Variants in ANKRD62 observed in about 807,000 individuals in gnomAD.
The protein encoded by ANKRD62 is ankyrin repeat domain-containing protein 62.
Under a neutral mutation model 98.8 loss-of-function variants are expected in ANKRD62, and 61 were observed. That is an observed-to-expected ratio of 0.62 (90% CI 0.50 to 0.76). The LOEUF (loss-of-function observed/expected upper bound fraction) is 0.76, where lower values mean the gene tolerates loss of function less well. ANKRD62 is among the 30% of genes least tolerant of loss of function. The pLI, the probability that ANKRD62 is intolerant of heterozygous loss-of-function variation, is 0.00. For synonymous variants in ANKRD62, 341 were observed against 367.9 expected (o/e 0.93, Z 0.84); for missense variants, 933 against 1,082.9 (o/e 0.86, Z 1.94).
chr18:12,151,266 A>G, the ANKRD62 span, among the ~76,000 whole-genome samples: 2 of 152,238 alleles, frequency 1.3e-5, no homozygotes, highest in Non-Finnish European at 2.9e-5. Flanking sequence ...CATCCAGCAC[A>G]TGAGCACCTA....
At chr18:12,136,768 C>G in the ANKRD62 span, among the ~76,000 whole-genome samples, 2 of 152,144 alleles carry the variant, frequency 1.3e-5, no homozygotes, top group Non-Finnish European at 2.9e-5. Flanking sequence ...CTTCACATCC[C>G]TTGTAAGTTG....
At chr18:12,098,979 A>T (rs1248536884) in intron 5 of ANKRD62, among the ~76,000 whole-genome samples, 1 of 152,240 alleles carries the variant, frequency 6.6e-6, no homozygotes, top group Non-Finnish European at 1.5e-5. Context: ...CATGTTATCT[A>T]TTTTAATGAG....
chr18:12,113,980 T>C (rs1482173454), intron 8 of ANKRD62, among the ~76,000 whole-genome samples: 1 of 152,214 alleles, frequency 6.6e-6, no homozygotes, highest in Admixed American at 6.5e-5. Flanking sequence ...GATCATGTCA[T>C]TTGGTGGAAC....
At chr18:12,100,674 T>C (rs554499349) in intron 6 of ANKRD62, among the ~76,000 whole-genome samples, 3 of 152,264 alleles carry the variant, frequency 2.0e-5, no homozygotes, top group South Asian at 4.2e-4. Flanking sequence ...ATAAATTCCT[T>C]ATTGAGAAGC....
chr18:12,107,344 G>A lies in ANKRD62; in HGVS notation c.941G>A (p.Arg314Lys), dbSNP rs1179154654. ...KCRNKKMEVSRNVHADDSDNY... is the reference protein window; with the variant it reads ...KCRNKKMEVSKNVHADDSDNY... ...AGAAATAAGAAAATGGAAGTGTCAA[G>A]AAACGTACATGCTGATGACAGTGAC... Residue 314 changes from arginine to lysine, a missense_variant, in exon 8 of 14, where the codon AGA becomes AAA. Around this residue, in one of 3 missense-constraint regions of ANKRD62, gnomAD observed 549 missense variants for 587.9 expected, o/e 0.93. Coordinates refer to ENST00000587848, the MANE Select transcript of ANKRD62 (RefSeq NM_001277333.2). The A allele has an allele frequency of 6.7e-7, 1 of 1,502,858 alleles. No individual in the cohort carries two copies. The highest frequency in any genetic ancestry group is 1.4e-5 in the African/African-American group (1 of 71,700). The allele number at this position is 1,502,858 out of a possible 1,614,324, so 93.1% of individuals were successfully genotyped here.
the ANKRD62 span, among the ~76,000 whole-genome samples, chr18:12,156,434 G>T: frequency 1.3e-5 from 2 of 151,950 alleles, no homozygotes. Flanking sequence ...TTTTGTTTCT[G>T]CTTGCTTGCT....
intron 3 of ANKRD62, 44 bp from the exon 4 acceptor site, chr18:12,096,152 G>A: frequency 7.9e-7 from 1 of 1,264,440 alleles, no homozygotes; most frequent in Non-Finnish European, 1.1e-6. Context: ...CAGTTGGGAA[G>A]TATGTAATTT....
In ANKRD62 at chr18:12,115,373, C is replaced by A; in HGVS notation, c.1099-20C>A. On this transcript the variant is annotated intron_variant, in intron 9 of 13. Coordinates refer to ENST00000587848, the MANE Select transcript of ANKRD62 (RefSeq NM_001277333.2). Reference sequence around the variant, plus strand: ...TAAATATTTCGAGGGCATTTTGAAACAGTGTTATTTATTTTATAGGTTAAA... The same window carrying A: ...TAAATATTTCGAGGGCATTTTGAAAAAGTGTTATTTATTTTATAGGTTAAA... 6.6e-7 allele frequency: 1 copy of A among 1,513,182 alleles called. No individual in the cohort carries two copies. Among genetic ancestry groups the A allele is most frequent in the Non-Finnish European group, 8.8e-7 (1 of 1,133,894 alleles). The allele number at this position is 1,513,182 out of a possible 1,614,324, so 93.7% of individuals were successfully genotyped here.
At chr18:12,146,128 A>G in the ANKRD62 span, among the ~76,000 whole-genome samples, 3 of 151,864 alleles carry the variant, frequency 2.0e-5, no homozygotes, top group African/African-American at 7.3e-5. Context: ...ACAGCACAGC[A>G]CAGCGCAGCA....
At chr18:12,168,226 T>A in the ANKRD62 span, among the ~76,000 whole-genome samples, 104 of 152,310 alleles carry the variant, frequency 6.8e-4, no homozygotes, top group African/African-American at 2.5e-3. Context: ...ATGTCCTGAA[T>A]GGTATTGCCT....
At chr18:12,166,744 C>T in the ANKRD62 span, among the ~76,000 whole-genome samples, 1 of 152,048 alleles carries the variant, frequency 6.6e-6, no homozygotes, top group Admixed American at 6.6e-5. Context: ...ATTTGTTATA[C>T]TTTAAGTTCT....
the ANKRD62 span, among the ~76,000 whole-genome samples, chr18:12,168,629 A>T: frequency 1.3e-5 from 2 of 152,200 alleles, no homozygotes; most frequent in East Asian, 3.9e-4. Context: ...CTCTTCTTTC[A>T]TTCCATGTGG....
chr18:12,170,142 T>A, the ANKRD62 span, among the ~76,000 whole-genome samples: 1 of 152,260 alleles, frequency 6.6e-6, no homozygotes, highest in Non-Finnish European at 1.5e-5. Flanking sequence ...AGCTCTGCTC[T>A]GATCTTAGTT....
chr18:12,125,068 G>A (rs1909858543), intron 12 of ANKRD62, among the ~76,000 whole-genome samples: 1 of 152,114 alleles, frequency 6.6e-6, no homozygotes, highest in African/African-American at 2.4e-5. Flanking sequence ...GCAGAGCTAA[G>A]ACTCTTACTA....
rs1478866070 is a variant in ANKRD62, at chr18:12,126,055, A to G, written c.2234A>G (p.Gln745Arg). Residue 745 changes from glutamine to arginine, a missense_variant, in exon 13 of 14, where the codon CAG (glutamine) becomes CGG (arginine). Gln to Arg is a conservative substitution (Grantham distance 43). This residue lies in a region of ANKRD62 where 362 missense variants were observed against 434.5 expected (regional missense o/e 0.83). Transcript: ENST00000587848. ...ATGCAAGGAGTCCTAAGCCGAACAC[A>G]GCGTCGATTGGAGGACATTGAACAC... is the stretch of plus-strand genomic sequence containing the variant. ...EHMQGVLSRTQRRLEDIEHMY... is the reference protein window; with the variant it reads ...EHMQGVLSRTRRRLEDIEHMY... The G allele has an allele frequency of 1.3e-6, 2 of 1,536,158 alleles. No homozygotes were observed. Among genetic ancestry groups the G allele is most frequent in the Non-Finnish European group, 1.7e-6 (2 of 1,146,926 alleles).
At chr18:12,138,452 T>A in the ANKRD62 span, among the ~76,000 whole-genome samples, 1 of 152,062 alleles carries the variant, frequency 6.6e-6, no homozygotes, top group Non-Finnish European at 1.5e-5. Flanking sequence ...TGCTGAGGAG[T>A]GTTTTACTTC....
chr18:12,122,541 A>C, intron 11 of ANKRD62, 25 bp downstream of exon 11: 1 of 1,486,476 alleles, frequency 6.7e-7, no homozygotes, highest in Non-Finnish European at 8.9e-7. Context: ...TTTTAAAGAA[A>C]TATTTCAACT....
chr18:12,177,195 T>G, the ANKRD62 span, among the ~76,000 whole-genome samples: 1 of 151,300 alleles, frequency 6.6e-6, no homozygotes, highest in Non-Finnish European at 1.5e-5. Context: ...AGCCTTCTCA[T>G]GAGCATCCAG....
At chr18:12,122,192 TG>T (rs1909795956) in intron 10 of ANKRD62, 110 bp from the exon 11 acceptor site, 1 of 720,836 alleles carries the variant, frequency 1.4e-6, no homozygotes, top group Non-Finnish European at 2.2e-6. Context: ...GCACTTAATA[TG>T]TACATATTCA....
Sources: gnomAD v4.1 joint callset for allele counts (sites outside exome capture counted in the v4.1 genomes callset) on GRCh38, gnomAD v4.1.1 for gene constraint, gnomAD v4.1.1 regional missense constraint, MANE v1.5 for transcripts, NCBI Gene and HGNC (gene_info 2026-07-23, HGNC 2026-07-21) for gene names.